EMSY: variants seen among roughly 807,000 people sequenced by gnomAD.
The protein encoded by EMSY is EMSY transcriptional repressor, BRCA2 interacting.
EMSY carries 26 observed loss-of-function variants against 134.6 expected under a neutral mutation model. The observed-to-expected ratio is 0.19, with a 90% CI of 0.14 to 0.27. The LOEUF (loss-of-function observed/expected upper bound fraction) is 0.27, where lower values mean the gene tolerates loss of function less well. EMSY is among the 10% of genes least tolerant of loss of function. The pLI, the probability that EMSY is intolerant of heterozygous loss-of-function variation, is 1.00. For synonymous variants in EMSY, 579 were observed against 577.8 expected, an observed-to-expected ratio of 1.00 and a Z score of -0.03; for missense variants, 1,305 against 1,611.4, an observed-to-expected ratio of 0.81 and a Z score of 3.26.
At position 76,486,493 on chromosome 11, in the gene EMSY, G is replaced by A. The variant is rs573279251; in HGVS notation, c.1109-9722G>A. Among the ~76,000 whole-genome samples, 6 of 152,282 alleles carry A rather than the reference G, an allele frequency of 3.9e-5. No homozygotes were observed. In the South Asian group the frequency reaches 6.2e-4, roughly 16 times the overall value. ...AAAAGAGTTTAACATGACGGATGCCGTATATGCTGTTGCCAATGCTTGGAA... is the reference window on the plus strand; with the variant it reads ...AAAAGAGTTTAACATGACGGATGCCATATATGCTGTTGCCAATGCTTGGAA... On this transcript the variant is annotated intron_variant, in intron 8 of 20. Coordinates refer to ENST00000334736, the Ensembl canonical transcript of EMSY.
intron 9 of EMSY, among the ~76,000 whole-genome samples, chr11:76,509,768 G>A (rs1950209480): frequency 6.6e-6 from 1 of 152,174 alleles, no homozygotes; most frequent in Non-Finnish European, 1.5e-5. Context: ...TGGAGACTCT[G>A]ACAATATATA....
At chr11:76,508,046 A>T (rs997531950) in intron 9 of EMSY, among the ~76,000 whole-genome samples, 1 of 151,568 alleles carries the variant, frequency 6.6e-6, no homozygotes, top group South Asian at 2.1e-4. Flanking sequence ...TTTTAAAAAA[A>T]TTTTTGTAGA....
At position 76,542,430 on chromosome 11, in the gene EMSY, G is replaced by A. The variant is rs1193095114; in HGVS notation, c.2709+63G>A. 1.5e-5 allele frequency: 23 copies of A among 1,547,270 alleles called. 1 individual carries two copies. The highest frequency in any genetic ancestry group is 1.0e-4 in the South Asian group (9 of 89,578). Reference sequence around the variant, plus strand: ...GCCCATGCTTGAAATAAGATTCAGTGTCATCTTGTATTTTAAGAGGAGAAA... The same window carrying A: ...GCCCATGCTTGAAATAAGATTCAGTATCATCTTGTATTTTAAGAGGAGAAA... On this transcript the variant is annotated intron_variant, in intron 18 of 20. Transcript: ENST00000334736.
chr11:76,486,309 G>A (rs762702124), intron 8 of EMSY, among the ~76,000 whole-genome samples: 14 of 152,114 alleles, frequency 9.2e-5, no homozygotes, highest in Non-Finnish European at 1.5e-4. Context: ...TAGATGACAG[G>A]TTGTTGGGTG....
chr11:76,532,087 A>G (rs191086031), intron 14 of EMSY, among the ~76,000 whole-genome samples: 2 of 152,160 alleles, frequency 1.3e-5, no homozygotes, highest in African/African-American at 4.8e-5. Context: ...CTCTTTTAAC[A>G]CTGACAATTT....
rs138648448 is a variant in EMSY, at chr11:76,484,023, A to G, written c.1108+11183A>G. On this transcript the variant is annotated intron_variant, in intron 8 of 20. Transcript: ENST00000334736. ...AGTAAAACACTTCTCAGCAAATGCA[A>G]AAGAACAGAAATCATAACAAACAGT... Among the ~76,000 whole-genome samples, 293 of 152,338 alleles carry G rather than the reference A, an allele frequency of 1.9e-3. 3 individuals carry two copies. The highest frequency in any genetic ancestry group is 6.9e-3 in the African/African-American group (286 of 41,574).
chr11:76,488,535 GT>G (rs151320745), intron 8 of EMSY, among the ~76,000 whole-genome samples: 26 of 142,058 alleles, frequency 1.8e-4, no homozygotes, highest in South Asian at 4.5e-4. Context: ...TTTTTTTTTT[GT>G]TTTTTTTTTT....
At chr11:76,480,278 A>G (rs1484138534) in intron 8 of EMSY, among the ~76,000 whole-genome samples, 3 of 152,226 alleles carry the variant, frequency 2.0e-5, no homozygotes, top group African/African-American at 7.2e-5. Flanking sequence ...AAGTGCTGTG[A>G]TGGGCAAAAG....
At chr11:76,535,739 T>C (rs1236395270) in intron 14 of EMSY, among the ~76,000 whole-genome samples, 156 bp from the exon 16 acceptor site, 1 of 152,150 alleles carries the variant, frequency 6.6e-6, no homozygotes, top group African/African-American at 2.4e-5. Context: ...AAAGACATTA[T>C]GCCTTCTAGG....
chr11:76,534,565 T>A (rs1184355092), intron 14 of EMSY, among the ~76,000 whole-genome samples: 1 of 152,182 alleles, frequency 6.6e-6, no homozygotes, highest in African/African-American at 2.4e-5. Flanking sequence ...GGAAGAGTTG[T>A]TCCCCTTGCC....
intron 9 of EMSY, among the ~76,000 whole-genome samples, chr11:76,501,853 A>C (rs903663457): frequency 2.0e-5 from 3 of 151,822 alleles, no homozygotes; most frequent in African/African-American, 7.2e-5. Context: ...ATTACAAATA[A>C]GATAAACAAA....
intron 7 of EMSY, among the ~76,000 whole-genome samples, chr11:76,464,506 T>C (rs1948272126): frequency 1.3e-5 from 2 of 152,244 alleles, no homozygotes; most frequent in African/African-American, 2.4e-5. Context: ...ACTTTTGTTA[T>C]CTTCTTTTTA....
intron 3 of EMSY, among the ~76,000 whole-genome samples, chr11:76,452,979 G>A (rs1213329432): frequency 6.6e-6 from 1 of 152,140 alleles, no homozygotes; most frequent in Non-Finnish European, 1.5e-5. Flanking sequence ...TTCAGCATCT[G>A]TTTGCATGTT....
chr11:76,464,154 A>T, intron 7 of EMSY, 74 bp downstream of exon 8: 1 of 1,543,840 alleles, frequency 6.5e-7, no homozygotes, highest in Non-Finnish European at 8.9e-7. Context: ...ATAAACATGC[A>T]CTGAGTGCTT....
intron 8 of EMSY, among the ~76,000 whole-genome samples, chr11:76,493,777 C>T (rs1279602440): frequency 6.6e-6 from 1 of 152,178 alleles, no homozygotes; most frequent in Non-Finnish European, 1.5e-5. Context: ...TCCAGTTGTC[C>T]GAGTACTTCA....
At chr11:76,528,338 C>G (rs1950916440) in exon 14 of EMSY, 3 of 1,613,514 alleles carry the variant, frequency 1.9e-6, no homozygotes, top group South Asian at 1.1e-5. Flanking sequence ...CAGCTAGTAA[C>G]AGAAACATTA....
At chr11:76,540,027 T>C (rs1297190083) in intron 17 of EMSY, among the ~76,000 whole-genome samples, 1 of 152,228 alleles carries the variant, frequency 6.6e-6, no homozygotes, top group Admixed American at 6.5e-5. Context: ...TGTATCATTC[T>C]GCAGTGGGTA....
intron 8 of EMSY, among the ~76,000 whole-genome samples, chr11:76,479,290 A>G (rs1948880083): frequency 6.6e-6 from 1 of 152,222 alleles, no homozygotes; most frequent in Non-Finnish European, 1.5e-5. Flanking sequence ...GGTAAATTGT[A>G]ATTAAAACAC....
At chr11:76,532,123 G>A (rs905324125) in intron 14 of EMSY, among the ~76,000 whole-genome samples, 46 of 152,190 alleles carry the variant, frequency 3.0e-4, no homozygotes, top group African/African-American at 1.1e-3. Flanking sequence ...GTTTGTTTGT[G>A]TGTTATAATT....
Sources: gnomAD v4.1 joint callset for allele counts (sites outside exome capture counted in the v4.1 genomes callset) on GRCh38, gnomAD v4.1.1 for gene constraint, MANE v1.5 for transcripts, NCBI Gene and HGNC (gene_info 2026-07-23, HGNC 2026-07-21) for gene names.